The following ADGRB3 variants were observed in gnomAD, a reference collection of about 807,000 sequenced individuals.
ADGRB3 encodes brain-specific angiogenesis inhibitor 3.
A neutral mutation model predicts 193.4 loss-of-function variants in ADGRB3; 37 were observed. That is an observed-to-expected ratio of 0.19 (90% CI 0.15 to 0.25). ADGRB3 has a LOEUF of 0.25. Ranked by LOEUF, ADGRB3 falls within the 10% of genes least tolerant of loss-of-function variation. The pLI is 1.00. For synonymous variants in ADGRB3, 690 were observed against 644.2 expected, an observed-to-expected ratio of 1.07 and a Z score of -1.08; for missense variants, 1,637 against 1,852.9, an observed-to-expected ratio of 0.88 and a Z score of 2.14.
chr6:68,990,389 G>A (rs1057163088), intron 10 of ADGRB3, among the ~76,000 whole-genome samples: 1 of 152,114 alleles, frequency 6.6e-6, no homozygotes, highest in Non-Finnish European at 1.5e-5. Context: ...TTACAAGGTA[G>A]TTGTCCCGAG....
intron 13 of ADGRB3, among the ~76,000 whole-genome samples, chr6:69,041,117 T>C (rs1043643650): frequency 6.6e-6 from 1 of 152,134 alleles, no homozygotes; most frequent in African/African-American, 2.4e-5. Flanking sequence ...TCCAGGGAAG[T>C]GATGGCTACA....
intron 3 of ADGRB3, among the ~76,000 whole-genome samples, chr6:68,910,781 C>A (rs918371740): frequency 3.3e-5 from 5 of 152,182 alleles, no homozygotes; most frequent in Middle Eastern, 3.4e-3. Flanking sequence ...GTTTTGGTAC[C>A]AGTACCATGC....
chr6:69,192,777 G>T (rs1445760108), intron 17 of ADGRB3, among the ~76,000 whole-genome samples: 1 of 152,046 alleles, frequency 6.6e-6, no homozygotes, highest in Non-Finnish European at 1.5e-5. Flanking sequence ...ATATATTTTT[G>T]AGGGTCTGCT....
rs898234472 is a variant in ADGRB3 at position 68,660,331 on chromosome 6, T to C, written c.757+20899T>C. Among the ~76,000 whole-genome samples the C allele has an allele frequency of 3.3e-5, 5 of 149,268 alleles. No individual in the cohort carries two copies. In the East Asian group the frequency reaches 9.8e-4, roughly 29 times the overall value. On this transcript the variant is annotated intron_variant, in intron 3 of 31. Transcript: ENST00000370598. ...TGAATCTTTTTTATGTATCACTTCCTTTTTTTTTCATTTAGTATGTTGATA... is the reference window on the plus strand; with the variant it reads ...TGAATCTTTTTTATGTATCACTTCCCTTTTTTTTCATTTAGTATGTTGATA...
At chr6:69,025,366 C>A (rs1770401987) in intron 13 of ADGRB3, among the ~76,000 whole-genome samples, 1 of 152,076 alleles carries the variant, frequency 6.6e-6, no homozygotes, top group Non-Finnish European at 1.5e-5. Flanking sequence ...CAATATTATT[C>A]TAAAATATAG....
intron 20 of ADGRB3, among the ~76,000 whole-genome samples, chr6:69,302,305 T>C (rs1767964331): frequency 6.6e-6 from 1 of 151,978 alleles, no homozygotes; most frequent in South Asian, 2.1e-4. Flanking sequence ...GCTAATTTCC[T>C]AACTTTGAAG....
chr6:69,091,625 A>G (rs1001457329), intron 17 of ADGRB3, among the ~76,000 whole-genome samples: 4 of 152,064 alleles, frequency 2.6e-5, no homozygotes, highest in African/African-American at 9.7e-5. Flanking sequence ...AACAACACAT[A>G]CCGGGGTCTT....
intron 17 of ADGRB3, among the ~76,000 whole-genome samples, chr6:69,088,667 C>T (rs1772620442): frequency 6.6e-6 from 1 of 152,238 alleles, no homozygotes; most frequent in African/African-American, 2.4e-5. Context: ...AGCCACTGTG[C>T]CCGGCCAATC....
intron 20 of ADGRB3, among the ~76,000 whole-genome samples, chr6:69,261,694 A>T (rs1766932370): frequency 6.6e-6 from 1 of 152,026 alleles, no homozygotes; most frequent in Admixed American, 6.5e-5. Context: ...ACATTTGGGT[A>T]TTCATGGTAA....
intron 17 of ADGRB3, among the ~76,000 whole-genome samples, chr6:69,113,230 A>C (rs1054658043): frequency 3.9e-5 from 6 of 152,086 alleles, no homozygotes; most frequent in Admixed American, 1.3e-4. Flanking sequence ...CAATATACAT[A>C]TGTATCACAC....
At chr6:69,003,145 C>CCT (rs1429125543) in intron 11 of ADGRB3, among the ~76,000 whole-genome samples, 1 of 152,128 alleles carries the variant, frequency 6.6e-6, no homozygotes, top group Non-Finnish European at 1.5e-5. Flanking sequence ...GTACCTGACA[C>CCT]CTGGTAGGTC....
chr6:68,696,679 A>T (rs1014341819), intron 3 of ADGRB3, among the ~76,000 whole-genome samples: 2 of 151,996 alleles, frequency 1.3e-5, no homozygotes, highest in Non-Finnish European at 2.9e-5. Flanking sequence ...ATTAAATGTC[A>T]GTTTCTAACT....
intron 3 of ADGRB3, among the ~76,000 whole-genome samples, chr6:68,791,287 G>A (rs1562031440): frequency 6.6e-6 from 1 of 152,116 alleles, no homozygotes; most frequent in African/African-American, 2.4e-5. Flanking sequence ...ATTACAGAGT[G>A]ATTCATGACC....
chr6:69,023,110 G>A (rs1770320563), intron 13 of ADGRB3, among the ~76,000 whole-genome samples: 1 of 151,982 alleles, frequency 6.6e-6, no homozygotes, highest in Admixed American at 6.6e-5. Flanking sequence ...TGTGTCACAT[G>A]TTACTCTCCC....
chr6:69,364,010 A>T (rs1769515595), intron 29 of ADGRB3, among the ~76,000 whole-genome samples: 1 of 152,016 alleles, frequency 6.6e-6, no homozygotes, highest in South Asian at 2.1e-4. Context: ...AATAATGTGG[A>T]TCACATGAGG....
chr6:68,875,262 C>G (rs1582274581), intron 3 of ADGRB3, among the ~76,000 whole-genome samples: 1 of 108,296 alleles, frequency 9.2e-6, no homozygotes, highest in South Asian at 3.4e-4. Context: ...CCCCTCCCCT[C>G]CCTTCCCCTC....
At chr6:69,205,779 A>G (rs1662884362) in intron 17 of ADGRB3, among the ~76,000 whole-genome samples, 2 of 151,770 alleles carry the variant, frequency 1.3e-5, no homozygotes, top group Admixed American at 1.3e-4. Flanking sequence ...TGACTGAATC[A>G]TGTAATTTTT....
Position 68,897,396 on chromosome 6 carries a change from A to G in ADGRB3, c.758-33163A>G, listed in dbSNP as rs545829235. The stretch of plus-strand genomic sequence containing the variant: ...AAGGAAAGGAAGAAGGAAAGAAAGA[A>G]AGAGAGAGAGAGGGAGGGAGGGAGG... On this transcript the variant is annotated intron_variant, in intron 3 of 31. Transcript: ENST00000370598. Among the ~76,000 whole-genome samples the G allele has an allele frequency of 2.5e-3, 354 of 139,630 alleles. 3 individuals carry two copies. The highest frequency in any genetic ancestry group is 7.9e-3 in the African/African-American group (302 of 38,280). 91.6% of individuals were successfully genotyped at this position (139,630 alleles called of 152,430 possible).
At chr6:68,693,172 G>A (rs1298086907) in intron 3 of ADGRB3, among the ~76,000 whole-genome samples, 2 of 151,764 alleles carry the variant, frequency 1.3e-5, no homozygotes, top group African/African-American at 4.8e-5. Context: ...TTTAAATGAG[G>A]TAGCAATGAG....
Sources: allele counts gnomAD v4.1 joint callset (sites outside exome capture counted in the v4.1 genomes callset), GRCh38; gene constraint gnomAD v4.1.1; transcripts MANE v1.5; gene names NCBI Gene and HGNC (gene_info 2026-07-23, HGNC 2026-07-21).